The following DLG2 variants were observed in gnomAD, a reference collection of about 807,000 sequenced individuals.
DLG2 encodes disks large homolog 2.
DLG2 carries 45 observed loss-of-function variants against 132.5 expected under a neutral mutation model. The observed-to-expected ratio is 0.34, with a 90% confidence interval of 0.27 to 0.44. The LOEUF (loss-of-function observed/expected upper bound fraction) is 0.44. DLG2 is among the 20% of genes least tolerant of loss of function. The pLI, the probability that DLG2 is intolerant of heterozygous loss-of-function variation, is 1.00. For missense variants in DLG2, 1,045 were observed against 1,196.9 expected (o/e 0.87, Z 1.87); for synonymous variants, 424 against 419.6 (o/e 1.01, Z -0.13).
chr11:83,812,109 A>G (rs2047453390), intron 17 of DLG2, among the ~76,000 whole-genome samples: 1 of 152,108 alleles, frequency 6.6e-6, no homozygotes, highest in Non-Finnish European at 1.5e-5. Flanking sequence ...ACTGAGCTGG[A>G]AACACTCTTC....
chr11:85,371,140 T>C (rs564318827), intron 3 of DLG2, among the ~76,000 whole-genome samples: 2 of 152,294 alleles, frequency 1.3e-5, no homozygotes, highest in African/African-American at 4.8e-5. Context: ...TACAGACTTC[T>C]GATAACTTTG....
chr11:83,930,517 G>T (rs370613760), intron 14 of DLG2, 34 bp from the exon 15 acceptor site: 2 of 1,605,384 alleles, frequency 1.2e-6, no homozygotes, highest in African/African-American at 2.7e-5. Context: ...AGATATGCAT[G>T]GTTAGTACAT....
intron 7 of DLG2, among the ~76,000 whole-genome samples, chr11:84,432,909 A>G (rs566066752): frequency 6.6e-6 from 1 of 152,162 alleles, no homozygotes; most frequent in Non-Finnish European, 1.5e-5. Flanking sequence ...CTGCAGTCCC[A>G]GCTACTCAGG....
At chr11:85,248,332 T>G in intron 4 of DLG2, among the ~76,000 whole-genome samples, 1 of 152,136 alleles carries the variant, frequency 6.6e-6, no homozygotes, top group East Asian at 1.9e-4. Flanking sequence ...TAAAAAGCAT[T>G]GAGATCATTA....
At chr11:84,984,586 A>C (rs1258826071) in intron 6 of DLG2, among the ~76,000 whole-genome samples, 1 of 131,614 alleles carries the variant, frequency 7.6e-6, no homozygotes, top group Non-Finnish European at 1.6e-5. Flanking sequence ...AAAAAAAAAA[A>C]ACCTTCCAAG....
intron 15 of DLG2, among the ~76,000 whole-genome samples, chr11:83,927,629 A>G (rs2079221807): frequency 6.6e-6 from 1 of 152,196 alleles, no homozygotes; most frequent in African/African-American, 2.4e-5. Context: ...TAGGTCATGC[A>G]GAGCCTGGAT....
intron 6 of DLG2, among the ~76,000 whole-genome samples, chr11:84,606,694 G>C (rs1279080778): frequency 6.6e-6 from 1 of 152,068 alleles, no homozygotes; most frequent in Non-Finnish European, 1.5e-5. Context: ...GTAAAAACAA[G>C]TGCACTCGCA....
chr11:84,194,412 G>C (rs925322666), intron 8 of DLG2, among the ~76,000 whole-genome samples: 1 of 152,134 alleles, frequency 6.6e-6, no homozygotes, highest in African/African-American at 2.4e-5. Context: ...TTCATGGTGA[G>C]TGTTACAGAT....
intron 18 of DLG2, among the ~76,000 whole-genome samples, chr11:83,688,499 T>C (rs2080235228): frequency 6.6e-6 from 1 of 152,172 alleles, no homozygotes; most frequent in Admixed American, 6.5e-5. Context: ...AGCAACTGGA[T>C]GACTTTGCAA....
intron 5 of DLG2, among the ~76,000 whole-genome samples, chr11:85,135,358 GTCAGAATGGAGACAA>G (rs1248826648): frequency 6.6e-6 from 1 of 152,332 alleles, no homozygotes; most frequent in African/African-American, 2.4e-5. Context: ...CATAGAGACA[GTCAGAATGGAGACAA>G]TCAGGGGTTA....
chr11:83,639,902 T>C (rs1256866838), intron 18 of DLG2, among the ~76,000 whole-genome samples: 1 of 152,154 alleles, frequency 6.6e-6, no homozygotes, highest in Non-Finnish European at 1.5e-5. Flanking sequence ...ATCTACAAAT[T>C]GTGAGGTTCA....
intron 11 of DLG2, among the ~76,000 whole-genome samples, chr11:83,990,653 G>T (rs932629560): frequency 6.6e-6 from 1 of 152,154 alleles, no homozygotes; most frequent in Non-Finnish European, 1.5e-5. Context: ...TTCTTTGCGG[G>T]TGTAGAGAAC....
At chr11:83,499,253 A>G (rs922908133) in intron 21 of DLG2, among the ~76,000 whole-genome samples, 2 of 152,182 alleles carry the variant, frequency 1.3e-5, no homozygotes, top group Non-Finnish European at 2.9e-5. Context: ...TATCACGAGA[A>G]AAGAAGACTA....
At chr11:84,945,466 A>G (rs1340838699) in intron 6 of DLG2, among the ~76,000 whole-genome samples, 1 of 152,088 alleles carries the variant, frequency 6.6e-6, no homozygotes, top group South Asian at 2.1e-4. Flanking sequence ...GATGACAAAA[A>G]CAACCCTCTG....
At chr11:83,693,746 A>G (rs1326340737) in intron 18 of DLG2, 12 of 152,186 alleles carry the variant, frequency 7.9e-5, no homozygotes, top group African/African-American at 2.9e-4. Flanking sequence ...TTTGCTGTCA[A>G]AAGGAAAAGC....
intron 7 of DLG2, among the ~76,000 whole-genome samples, chr11:84,503,944 A>G (rs1442130254): frequency 6.6e-6 from 1 of 152,120 alleles, no homozygotes; most frequent in Non-Finnish European, 1.5e-5. Flanking sequence ...TTTTCCCTAC[A>G]CTGCACTCTG....
intron 6 of DLG2, among the ~76,000 whole-genome samples, chr11:84,800,038 C>A (rs1331246893): frequency 1.3e-5 from 2 of 152,156 alleles, no homozygotes; most frequent in Non-Finnish European, 2.9e-5. Flanking sequence ...TAATACCAAA[C>A]CATCTAGTCT....
chr11:84,293,850 A>C (rs566661983), intron 7 of DLG2, among the ~76,000 whole-genome samples: 34 of 152,210 alleles, frequency 2.2e-4, no homozygotes, highest in Non-Finnish European at 4.0e-4. Flanking sequence ...AATTTAAAAA[A>C]CATTGTCTAA....
intron 6 of DLG2, among the ~76,000 whole-genome samples, chr11:85,015,642 G>C (rs2059508441): frequency 6.6e-6 from 1 of 152,006 alleles, no homozygotes; most frequent in Non-Finnish European, 1.5e-5. Flanking sequence ...ACAGATATTG[G>C]CAAACACTTA....
Sources: allele counts gnomAD v4.1 joint callset (sites outside exome capture counted in the v4.1 genomes callset), GRCh38; gene constraint gnomAD v4.1.1; transcripts MANE v1.5; gene names NCBI Gene and HGNC (gene_info 2026-07-23, HGNC 2026-07-21).